Variants in CTNNA3 observed in about 807,000 individuals in gnomAD.
The protein encoded by CTNNA3 is catenin alpha 3, also known as catenin alpha-3.
A neutral mutation model predicts 95.7 loss-of-function variants in CTNNA3; 76 were observed. That is an observed-to-expected ratio of 0.79 (90% CI 0.66 to 0.96). The LOEUF (loss-of-function observed/expected upper bound fraction) is 0.96, where lower values mean the gene tolerates loss of function less well. Ranked by LOEUF, CTNNA3 falls within the 40% of genes least tolerant of loss-of-function variation. The probability of loss-of-function intolerance (pLI) is 0.00; values close to 1 mark genes in which losing one functional copy is unlikely to be tolerated. For synonymous variants in CTNNA3, 431 were observed against 374.4 expected (o/e 1.15, Z -1.74); for missense variants, 1,191 against 1,089.8 (o/e 1.09, Z -1.31).
chr10:66,359,519 G>A (rs964345905), intron 12 of CTNNA3, among the ~76,000 whole-genome samples: 4 of 152,116 alleles, frequency 2.6e-5, no homozygotes, highest in Non-Finnish European at 4.4e-5. Flanking sequence ...TTTCTTAAAT[G>A]TTTAGTTCCA....
At chr10:66,851,900 G>C (rs1008779405) in intron 7 of CTNNA3, among the ~76,000 whole-genome samples, 9 of 152,042 alleles carry the variant, frequency 5.9e-5, no homozygotes, top group Non-Finnish European at 1.0e-4. Context: ...TACATTTACT[G>C]ACTGCTCAAG....
chr10:67,459,816 T>C (rs1264022821), intron 5 of CTNNA3, among the ~76,000 whole-genome samples: 2 of 152,182 alleles, frequency 1.3e-5, no homozygotes, highest in South Asian at 2.1e-4. Flanking sequence ...CTACTTCTTA[T>C]ACTTCCATCT....
At chr10:67,502,495 G>A (rs774350228) in intron 5 of CTNNA3, among the ~76,000 whole-genome samples, 22 of 152,218 alleles carry the variant, frequency 1.4e-4, no homozygotes, top group Admixed American at 2.6e-4. Flanking sequence ...GAGCTCGAGC[G>A]CTGTGCTGGG....
At chr10:66,638,555 T>G (rs1845412597) in intron 9 of CTNNA3, among the ~76,000 whole-genome samples, 1 of 152,182 alleles carries the variant, frequency 6.6e-6, no homozygotes, top group Non-Finnish European at 1.5e-5. Flanking sequence ...TCTGTTGCTC[T>G]TTCTTTTCCC....
At chr10:67,621,183 G>A (rs1046336846) in intron 2 of CTNNA3, among the ~76,000 whole-genome samples, 1 of 151,994 alleles carries the variant, frequency 6.6e-6, no homozygotes, top group Non-Finnish European at 1.5e-5. Flanking sequence ...TGTAAGGCCT[G>A]GGCATCAGGA....
intron 5 of CTNNA3, among the ~76,000 whole-genome samples, chr10:67,223,047 C>G (rs1864730307): frequency 6.6e-6 from 1 of 152,152 alleles, no homozygotes; most frequent in Non-Finnish European, 1.5e-5. Flanking sequence ...ATTACAGAAT[C>G]CATGAGCCCA....
At chr10:67,021,050 CTT>C (rs1328564997) in intron 7 of CTNNA3, among the ~76,000 whole-genome samples, 2 of 152,116 alleles carry the variant, frequency 1.3e-5, no homozygotes, top group Non-Finnish European at 2.9e-5. Context: ...TAAAACTTCT[CTT>C]TGTTTCATTT....
intron 12 of CTNNA3, among the ~76,000 whole-genome samples, chr10:66,286,206 C>T (rs532127508): frequency 3.9e-5 from 6 of 151,986 alleles, no homozygotes; most frequent in African/African-American, 1.4e-4. Flanking sequence ...AAATTTTTAC[C>T]CCTATCAACA....
At chr10:66,407,964 CAG>C (rs1564934203) in intron 11 of CTNNA3, among the ~76,000 whole-genome samples, 2 of 152,190 alleles carry the variant, frequency 1.3e-5, no homozygotes, top group Non-Finnish European at 2.9e-5. Flanking sequence ...GGTATCAATG[CAG>C]AGTTTGTTCT....
rs370956364 is a variant in CTNNA3, at chr10:67,381,044, T to C, written c.579+140798A>G. Reference sequence around the variant, plus strand: ...GATGACTGTCTCTCTGCTGATTGAGTATCTCCTTGAACCAAGAGCTCACCA... The same window carrying C: ...GATGACTGTCTCTCTGCTGATTGAGCATCTCCTTGAACCAAGAGCTCACCA... On this transcript the variant is annotated intron_variant, in intron 5 of 17. Coordinates refer to ENST00000433211, the MANE Select transcript of CTNNA3 (RefSeq NM_013266.4). Among the ~76,000 whole-genome samples, 20 of 152,284 alleles carry C rather than the reference T, an allele frequency of 1.3e-4. No individual in the cohort carries two copies. In the East Asian group the frequency reaches 3.7e-3, roughly 28 times the overall value.
chr10:67,518,323 T>C (rs1454316296), intron 5 of CTNNA3, among the ~76,000 whole-genome samples: 1 of 152,148 alleles, frequency 6.6e-6, no homozygotes, highest in African/African-American at 2.4e-5. Flanking sequence ...GAGGCTAGAC[T>C]TCAGTTTGAC....
chr10:66,701,631 AC>A (rs1372401675), intron 9 of CTNNA3, among the ~76,000 whole-genome samples: 3 of 152,158 alleles, frequency 2.0e-5, no homozygotes, highest in Non-Finnish European at 4.4e-5. Context: ...TACTATTTCA[AC>A]TAATTTCAAT....
intron 9 of CTNNA3, among the ~76,000 whole-genome samples, chr10:66,724,019 A>G (rs1339828712): frequency 6.6e-6 from 1 of 152,064 alleles, no homozygotes; most frequent in Non-Finnish European, 1.5e-5. Context: ...AATGTAATTA[A>G]TCGATGTAAA....
intron 1 of CTNNA3, among the ~76,000 whole-genome samples, chr10:67,648,271 G>T (rs907076679): frequency 6.6e-6 from 1 of 151,874 alleles, no homozygotes; most frequent in Non-Finnish European, 1.5e-5. Flanking sequence ...TGTCATAGTC[G>T]GATTAACGTT....
intron 11 of CTNNA3, among the ~76,000 whole-genome samples, chr10:66,444,721 T>C (rs1225600341): frequency 2.6e-5 from 4 of 152,080 alleles, no homozygotes; most frequent in Non-Finnish European, 4.4e-5. Context: ...TGCAAAAACA[T>C]ACCAAAATGT....
intron 13 of CTNNA3, among the ~76,000 whole-genome samples, chr10:66,109,679 T>A (rs1285490265): frequency 6.6e-6 from 1 of 152,114 alleles, no homozygotes; most frequent in East Asian, 1.9e-4. Context: ...GAAAGTCATA[T>A]CCCATATAAT....
At chr10:67,625,174 A>G (rs998503090) in intron 2 of CTNNA3, among the ~76,000 whole-genome samples, 1 of 152,200 alleles carries the variant, frequency 6.6e-6, no homozygotes, top group African/African-American at 2.4e-5. Context: ...GCTCTCAGCA[A>G]AGTTTTTCTT....
At chr10:66,739,076 C>A (rs1267229228) in intron 9 of CTNNA3, among the ~76,000 whole-genome samples, 2 of 152,128 alleles carry the variant, frequency 1.3e-5, no homozygotes, top group African/African-American at 4.8e-5. Flanking sequence ...TCACTAAATT[C>A]TCTAGATATA....
intron 3 of CTNNA3, among the ~76,000 whole-genome samples, chr10:67,540,323 T>C (rs1564725970): frequency 6.6e-6 from 1 of 152,020 alleles, no homozygotes; most frequent in South Asian, 2.1e-4. Context: ...AAAAACTCTC[T>C]TTACTCCCAT....
Sources: allele counts gnomAD v4.1 joint callset (sites outside exome capture counted in the v4.1 genomes callset), GRCh38; gene constraint gnomAD v4.1.1; transcripts MANE v1.5; gene names NCBI Gene and HGNC (gene_info 2026-07-23, HGNC 2026-07-21).